The following NCAPD3 variants were observed in gnomAD, a reference collection of about 807,000 sequenced individuals.
NCAPD3 encodes condensin-2 complex subunit D3.
A neutral mutation model predicts 182.9 loss-of-function variants in NCAPD3; 105 were observed. That is an observed-to-expected ratio of 0.57 (90% CI 0.49 to 0.68). The LOEUF is 0.68. NCAPD3 is among the 30% of genes least tolerant of loss of function. The pLI is 0.00. For synonymous variants in NCAPD3, 815 were observed against 679.9 expected (o/e 1.20, Z -3.09); for missense variants, 1,944 against 1,837.0 (o/e 1.06, Z -1.07).
chr11:134,179,726 G>T (rs984373425), intron 20 of NCAPD3, among the ~76,000 whole-genome samples: 1 of 152,166 alleles, frequency 6.6e-6, no homozygotes, highest in Non-Finnish European at 1.5e-5. Context: ...CTGCCATGCT[G>T]TGTTTCTTCA....
intron 32 of NCAPD3, among the ~76,000 whole-genome samples, chr11:134,154,486 C>CG (rs965381879): frequency 2.0e-5 from 3 of 150,126 alleles, no homozygotes; most frequent in East Asian, 2.0e-4. Flanking sequence ...CACCCCCCCC[C>CG]CCACCGCCCC....
At chr11:134,193,889 C>A in intron 15 of NCAPD3, 127 bp downstream of exon 15, 1 of 863,242 alleles carries the variant, frequency 1.2e-6, no homozygotes, top group Admixed American at 2.6e-5. Flanking sequence ...TTACATTGTA[C>A]AGTTCTACAG....
At chr11:134,157,153 A>G (rs1943444667) in intron 31 of NCAPD3, 58 bp from the exon 32 acceptor site, 1 of 1,377,316 alleles carries the variant, frequency 7.3e-7, no homozygotes, top group Admixed American at 1.9e-5. Flanking sequence ...CGAAGAGCAA[A>G]ACAACCACAT....
intron 27 of NCAPD3, among the ~76,000 whole-genome samples, chr11:134,164,442 G>A (rs1287873396): frequency 2.6e-5 from 4 of 152,244 alleles, no homozygotes; most frequent in African/African-American, 7.2e-5. Context: ...TCACCATCTG[G>A]CAAGAGTTAA....
At chr11:134,201,307 G>A (rs1944744355) in intron 13 of NCAPD3, among the ~76,000 whole-genome samples, 1 of 152,118 alleles carries the variant, frequency 6.6e-6, no homozygotes, top group Admixed American at 6.6e-5. Flanking sequence ...TTACCGGTGT[G>A]AGCCACCACG....
At chr11:134,205,624 G>A (rs906495449) in intron 8 of NCAPD3, among the ~76,000 whole-genome samples, 9 of 151,968 alleles carry the variant, frequency 5.9e-5, no homozygotes, top group Admixed American at 1.3e-4. Context: ...TGATCCGCCC[G>A]CCTCGGCCTC....
intron 10 of NCAPD3, 59 bp downstream of exon 10, chr11:134,203,987 A>G (rs1944801136): frequency 4.4e-6 from 7 of 1,600,332 alleles, no homozygotes; most frequent in Non-Finnish European, 6.0e-6. Context: ...CTAGAAAAAG[A>G]GACCCTTTTA....
chr11:134,158,196 G>A, intron 30 of NCAPD3, 129 bp from the exon 31 acceptor site: 1 of 1,518,048 alleles, frequency 6.6e-7, no homozygotes, highest in South Asian at 1.2e-5. Context: ...ACCTCCCAGG[G>A]CACAGTGTGG....
intron 27 of NCAPD3, among the ~76,000 whole-genome samples, chr11:134,163,423 G>C (rs1469734207): frequency 1.3e-5 from 2 of 152,104 alleles, no homozygotes; most frequent in African/African-American, 4.8e-5. Flanking sequence ...TGCTGGGCTG[G>C]GTGTGGTGGC....
At chr11:134,194,184 T>C in intron 14 of NCAPD3, 34 bp from the exon 15 acceptor site, 1 of 1,597,842 alleles carries the variant, frequency 6.3e-7, no homozygotes, top group East Asian at 2.2e-5. Flanking sequence ...AACTGTTAAC[T>C]GCATAGCATC....
upstream of NCAPD3, chr11:134,225,416 A>AGC (rs1248128048): frequency 1.3e-6 from 2 of 1,485,042 alleles, no homozygotes; most frequent in Non-Finnish European, 1.9e-6. Flanking sequence ...TTCAGGGCCC[A>AGC]GCTCCTCCGG....
At chr11:134,201,383 G>A (rs1944745449) in intron 13 of NCAPD3, among the ~76,000 whole-genome samples, 1 of 152,178 alleles carries the variant, frequency 6.6e-6, no homozygotes, top group Admixed American at 6.5e-5. Context: ...AGGAGGAAAG[G>A]GGCATGGGGA....
At chr11:134,218,323 T>G (rs1938106088) in intron 2 of NCAPD3, among the ~76,000 whole-genome samples, 1 of 152,124 alleles carries the variant, frequency 6.6e-6, no homozygotes, top group African/African-American at 2.4e-5. Flanking sequence ...TACATGTGAC[T>G]GCTCCTCTGC....
intron 2 of NCAPD3, among the ~76,000 whole-genome samples, chr11:134,219,994 C>T (rs1938168385): frequency 6.6e-6 from 1 of 152,014 alleles, no homozygotes; most frequent in Non-Finnish European, 1.5e-5. Flanking sequence ...TGGGGTTTCA[C>T]CATCTTGGTC....
intron 24 of NCAPD3, among the ~76,000 whole-genome samples, chr11:134,172,726 G>A (rs1039730916): frequency 1.3e-5 from 2 of 152,136 alleles, no homozygotes; most frequent in Non-Finnish European, 2.9e-5. Flanking sequence ...CTCCAAATTT[G>A]GGGTTTATAC....
chr11:134,174,449 C>G (rs1224281444), intron 24 of NCAPD3, among the ~76,000 whole-genome samples: 1 of 148,818 alleles, frequency 6.7e-6, no homozygotes, highest in Non-Finnish European at 1.5e-5. Context: ...ATAGGCGTAG[C>G]CTTTGGCCTA....
At chr11:134,213,962 T>A (rs1228353430) in intron 3 of NCAPD3, among the ~76,000 whole-genome samples, 1 of 152,156 alleles carries the variant, frequency 6.6e-6, no homozygotes, top group Non-Finnish European at 1.5e-5. Flanking sequence ...GATAAACTGA[T>A]AATTATTCTT....
chr11:134,223,602 C>A (rs1011648270), intron 1 of NCAPD3: 13 of 665,768 alleles, frequency 2.0e-5, no homozygotes, highest in Non-Finnish European at 3.0e-5. Context: ...AAGGGGAAGG[C>A]CGAGAAAACA....
In NCAPD3 at chr11:134,158,443, G is replaced by C; in HGVS notation, c.3920C>G (p.Ala1307Gly). The change falls in exon 30 of 35, where the codon GCC becomes GGC. Residue 1307 changes from alanine to glycine, a missense_variant. This residue lies in a region of NCAPD3 where 1,803 missense variants were observed against 1,674.6 expected (regional missense o/e 1.08). Coordinates refer to ENST00000534548, the MANE Select transcript of NCAPD3 (RefSeq NM_015261.3). Reference sequence around the variant, plus strand: ...GGGCTGGCTCACGGCAGGTGACATGGCAGGGTTTTCTTGGCCAGCAGGAAC... The same window carrying C: ...GGGCTGGCTCACGGCAGGTGACATGCCAGGGTTTTCTTGGCCAGCAGGAAC... ...VPVPAGQENP[A>G]MSPAVSQPCT... 6.2e-7 allele frequency: 1 copy of C among 1,614,170 alleles called. No individual in the cohort carries two copies. Among genetic ancestry groups the C allele is most frequent in the Non-Finnish European group, 8.5e-7 (1 of 1,180,030 alleles).
Sources: gnomAD v4.1 joint callset for allele counts (sites outside exome capture counted in the v4.1 genomes callset) on GRCh38, gnomAD v4.1.1 for gene constraint, gnomAD v4.1.1 regional missense constraint, MANE v1.5 for transcripts, NCBI Gene and HGNC (gene_info 2026-07-23, HGNC 2026-07-21) for gene names.